The following GPAT3 variants were observed in gnomAD, a reference collection of about 807,000 sequenced individuals.
GPAT3 encodes the protein glycerol-3-phosphate acyltransferase 3, also known as 1-AGP acyltransferase 9.
Under a neutral mutation model 58.8 loss-of-function variants are expected in GPAT3, and 53 were observed. The observed-to-expected ratio is 0.90, with a 90% CI of 0.72 to 1.13. GPAT3 has a LOEUF of 1.13. Among genes scored for constraint, GPAT3 ranks in the 50% most tolerant of loss-of-function variants. The pLI is 0.00. For missense variants in GPAT3, 511 were observed against 527.6 expected (o/e 0.97, Z 0.31); for synonymous variants, 197 against 187.4 (o/e 1.05, Z -0.42).
upstream of GPAT3, chr4:83,535,772 C>T: frequency 1.0e-6 from 1 of 985,500 alleles, no homozygotes; most frequent in Non-Finnish European, 1.2e-6. Flanking sequence ...GCGGCGTACA[C>T]GGCTGCGTGG....
rs780608510 is a variant in GPAT3 at position 83,587,239 on chromosome 4, C to G, written c.480-16C>G. The G allele has an allele frequency of 1.2e-6, 2 of 1,610,318 alleles. No homozygotes were observed. On this transcript the variant is annotated splice_polypyrimidine_tract_variant and intron_variant, in intron 3 of 11. Coordinates refer to ENST00000264409, the MANE Select transcript of GPAT3 (RefSeq NM_032717.5). Reference sequence around the variant, plus strand: ...ATGTGTCAAAATCTTATATGGCCCTCTCTTTTCTTTTTCAGGGTTACCTTG... The same window carrying G: ...ATGTGTCAAAATCTTATATGGCCCTGTCTTTTCTTTTTCAGGGTTACCTTG...
At chr4:83,562,963 G>A (rs62305330) in intron 2 of GPAT3, among the ~76,000 whole-genome samples, 28,203 of 152,114 alleles carry the variant, frequency 0.19, 3,058 homozygotes, top group East Asian at 0.31. Flanking sequence ...TTATCTGTAA[G>A]CTGTGCTTTT....
intron 11 of GPAT3, among the ~76,000 whole-genome samples, chr4:83,600,113 T>G (rs1360221301): frequency 6.6e-6 from 1 of 152,074 alleles, no homozygotes; most frequent in Non-Finnish European, 1.5e-5. Flanking sequence ...ACAGACTGGG[T>G]GGCTTAAACA....
intron 2 of GPAT3, among the ~76,000 whole-genome samples, chr4:83,554,365 A>G (rs1192120383): frequency 6.6e-6 from 1 of 152,120 alleles, no homozygotes; most frequent in Non-Finnish European, 1.5e-5. Flanking sequence ...ACAGCTTGTC[A>G]TTTTAGAAGT....
At chr4:83,551,813 A>ATCTATCTATCT (rs1553943810) in intron 2 of GPAT3, among the ~76,000 whole-genome samples, 13 of 102,420 alleles carry the variant, frequency 1.3e-4, no homozygotes, top group African/African-American at 6.0e-4. Context: ...AAAAAAAAAA[A>ATCTATCTATCT]ATCTATCTAT....
At chr4:83,545,671 C>T (rs1346048665) in intron 2 of GPAT3, among the ~76,000 whole-genome samples, 4 of 152,070 alleles carry the variant, frequency 2.6e-5, no homozygotes, top group South Asian at 2.1e-4. Context: ...ATATTATCAC[C>T]AATCACATTT....
At chr4:83,535,859 G>A, upstream of GPAT3, 1 of 985,484 alleles carries the variant, frequency 1.0e-6, no homozygotes. Flanking sequence ...GACCTCAAGC[G>A]TCCCAGATAC....
At chr4:83,560,100 C>T (rs148524856) in intron 2 of GPAT3, among the ~76,000 whole-genome samples, 1 of 152,284 alleles carries the variant, frequency 6.6e-6, no homozygotes, top group African/African-American at 2.4e-5. Context: ...AGACCAGGTG[C>T]CTGGTTTTCC....
rs141552508 is a variant in GPAT3 at position 83,582,648 on chromosome 4, T to G, written c.479+816T>G. On this transcript the variant is annotated intron_variant, in intron 3 of 11. Coordinates refer to ENST00000264409, the MANE Select transcript of GPAT3 (RefSeq NM_032717.5). Reference sequence around the variant, plus strand: ...GCAGTGGCTACCTGCCAACTAAACTTGGCACATGAATTGAAATCTTTTTAC... The same window carrying G: ...GCAGTGGCTACCTGCCAACTAAACTGGGCACATGAATTGAAATCTTTTTAC... 1.3e-5 allele frequency among the ~76,000 whole-genome samples: 2 copies of G among 152,324 alleles called. 1 individual carries two copies. Among genetic ancestry groups the G allele is most frequent in the East Asian group, 3.9e-4 (2 of 5,188 alleles).
chr4:83,596,840 T>TC lies in GPAT3; in HGVS notation c.855-16dup. On this transcript the variant is annotated splice_polypyrimidine_tract_variant and intron_variant, in intron 7 of 11. Coordinates refer to ENST00000264409, the MANE Select transcript of GPAT3 (RefSeq NM_032717.5). ...TCTCTTTATAAAGGCAGAATTTTGA[T>TC]CCTTTTTTTTTCCATAGACTAAAAG... 1 of 1,596,720 alleles carries TC rather than the reference T, an allele frequency of 6.3e-7. No homozygotes were observed. The highest frequency in any genetic ancestry group is 8.6e-7 in the Non-Finnish European group (1 of 1,167,012).
chr4:83,580,926 C>T (rs960349958), intron 2 of GPAT3, among the ~76,000 whole-genome samples: 1 of 151,822 alleles, frequency 6.6e-6, no homozygotes, highest in Non-Finnish European at 1.5e-5. Flanking sequence ...GAAACCCTGT[C>T]TCTATTAAAA....
rs1165660307 is a variant in GPAT3, at chr4:83,536,193, C to CG, written c.-426dup. 3.0e-6 allele frequency: 3 copies of CG among 987,096 alleles called. No individual in the cohort carries two copies. The highest frequency in any genetic ancestry group is 3.5e-5 in the African/African-American group (2 of 57,322). The allele number at this position is 987,096 out of a possible 1,614,324, so 61.1% of individuals were successfully genotyped here. ...CGGTGCTCCCGCAGGGAACCTGGCT[C>CG]GGGGAGGGCCTCCGTGAGTCATCTG... On this transcript the variant is annotated 5_prime_UTR_variant, in exon 1 of 12. Coordinates refer to ENST00000264409, the MANE Select transcript of GPAT3 (RefSeq NM_032717.5).
chr4:83,565,853 AG>A (rs1007066350), intron 2 of GPAT3, among the ~76,000 whole-genome samples: 5 of 152,192 alleles, frequency 3.3e-5, no homozygotes, highest in African/African-American at 1.2e-4. Context: ...CTTTGTTCTT[AG>A]GGCAAATGGG....
intron 2 of GPAT3, among the ~76,000 whole-genome samples, chr4:83,556,752 A>G (rs373079216): frequency 2.6e-5 from 4 of 152,070 alleles, no homozygotes; most frequent in Non-Finnish European, 5.9e-5. Context: ...AATGATGAAA[A>G]AAGAACTAGA....
At chr4:83,537,625 GTA>G (rs59505718) in intron 1 of GPAT3, among the ~76,000 whole-genome samples, 3 of 147,580 alleles carry the variant, frequency 2.0e-5, no homozygotes, top group East Asian at 4.0e-4. Flanking sequence ...GTGTGTGTGT[GTA>G]TATTTAACAT....
intron 2 of GPAT3, among the ~76,000 whole-genome samples, chr4:83,581,085 G>C (rs1726100440): frequency 9.7e-6 from 1 of 103,014 alleles, no homozygotes; most frequent in African/African-American, 4.0e-5. Flanking sequence ...GACGGAGCAA[G>C]ACTCCGTCTC....
At chr4:83,586,296 G>A (rs1240347032) in intron 3 of GPAT3, among the ~76,000 whole-genome samples, 1 of 152,166 alleles carries the variant, frequency 6.6e-6, no homozygotes, top group Non-Finnish European at 1.5e-5. Flanking sequence ...TCACCCTGGA[G>A]AGGGTTACTG....
intron 3 of GPAT3, among the ~76,000 whole-genome samples, chr4:83,584,957 T>C (rs1726324062): frequency 1.3e-5 from 2 of 152,224 alleles, no homozygotes; most frequent in South Asian, 4.1e-4. Context: ...TCTGGCCTGT[T>C]AATCTAGCAA....
intron 2 of GPAT3, among the ~76,000 whole-genome samples, chr4:83,550,932 A>G (rs1485920195): frequency 1.3e-5 from 2 of 152,214 alleles, no homozygotes; most frequent in African/African-American, 4.8e-5. Context: ...GCTCTGTAGA[A>G]GGCAAAAGTT....
Sources: gnomAD v4.1 joint callset for allele counts (sites outside exome capture counted in the v4.1 genomes callset) on GRCh38, gnomAD v4.1.1 for gene constraint, MANE v1.5 for transcripts, NCBI Gene and HGNC (gene_info 2026-07-23, HGNC 2026-07-21) for gene names.